Variants in RIN3 observed in about 807,000 individuals in gnomAD.
RIN3 encodes RAB5 interacting protein 3.
RIN3 carries 54 observed loss-of-function variants against 76.3 expected under a neutral mutation model. The ratio of observed to expected loss-of-function variants is 0.71; its 90% confidence interval spans 0.57 to 0.89. The LOEUF is 0.89. Among genes scored for constraint, RIN3 ranks in the 40% least tolerant of loss-of-function variants. RIN3 has a pLI of 0.00. For missense variants in RIN3, 1,256 were observed against 1,322.1 expected (o/e 0.95, Z 0.78); for synonymous variants, 576 against 564.0 (o/e 1.02, Z -0.30).
intron 4 of RIN3, among the ~76,000 whole-genome samples, chr14:92,617,860 G>A (rs1886031179): frequency 6.6e-6 from 1 of 152,202 alleles, no homozygotes; most frequent in Non-Finnish European, 1.5e-5. Context: ...AAAGTCTGTT[G>A]TGTAACTGTA....
chr14:92,673,154 C>T (rs1211051979), intron 7 of RIN3, among the ~76,000 whole-genome samples: 3 of 152,076 alleles, frequency 2.0e-5, no homozygotes, highest in South Asian at 2.1e-4. Flanking sequence ...TAGCCAGTCT[C>T]ATAACCCGGT....
At chr14:92,675,798 C>T (rs1448886754) in intron 7 of RIN3, among the ~76,000 whole-genome samples, 1 of 152,224 alleles carries the variant, frequency 6.6e-6, no homozygotes, top group African/African-American at 2.4e-5. Context: ...ATCTTTCGGA[C>T]CCACCTTCCA....
Position 92,531,862 on chromosome 14 carries a change from C to A in RIN3, c.44+17886C>A, listed in dbSNP as rs146750997. On this transcript the variant is annotated intron_variant, in intron 1 of 9. Coordinates refer to ENST00000216487, the MANE Select transcript of RIN3 (RefSeq NM_024832.5). ...TCTGCCAAAGCACAACTCTCGCCCCCCTAGTTATTTTAAACCCCTCCCCCC... is the reference window on the plus strand; with the variant it reads ...TCTGCCAAAGCACAACTCTCGCCCCACTAGTTATTTTAAACCCCTCCCCCC... Among the ~76,000 whole-genome samples the A allele has an allele frequency of 5.9e-5, 9 of 151,886 alleles. No individual in the cohort carries two copies. The South Asian group carries it at 1.5e-3, about 25-fold the overall frequency.
At chr14:92,517,435 G>T (rs1375402832) in intron 1 of RIN3, among the ~76,000 whole-genome samples, 2 of 152,178 alleles carry the variant, frequency 1.3e-5, no homozygotes, top group African/African-American at 2.4e-5. Context: ...TCACCTAGGG[G>T]ATTGGGGGCA....
chr14:92,555,466 C>T (rs757265736), intron 1 of RIN3, among the ~76,000 whole-genome samples: 1 of 152,180 alleles, frequency 6.6e-6, no homozygotes, highest in East Asian at 1.9e-4. Flanking sequence ...CCCCAAGACC[C>T]TCACATTTGC....
chr14:92,538,235 C>T (rs1897052885), intron 1 of RIN3, among the ~76,000 whole-genome samples: 2 of 152,236 alleles, frequency 1.3e-5, no homozygotes, highest in African/African-American at 4.8e-5. Context: ...TCCCAAAGTG[C>T]TGGGATTACA....
At chr14:92,521,481 CT>C (rs1300664164) in intron 1 of RIN3, among the ~76,000 whole-genome samples, 1 of 152,174 alleles carries the variant, frequency 6.6e-6, no homozygotes, top group Non-Finnish European at 1.5e-5. Context: ...TCATGAATGA[CT>C]TGGTGCCATC....
At chr14:92,581,857 A>G (rs1884552643) in intron 3 of RIN3, among the ~76,000 whole-genome samples, 1 of 152,220 alleles carries the variant, frequency 6.6e-6, no homozygotes, top group African/African-American at 2.4e-5. Context: ...AGTGGGGGTT[A>G]TAGCCAAGGA....
intron 4 of RIN3, among the ~76,000 whole-genome samples, chr14:92,630,416 C>T (rs1346907603): frequency 6.6e-6 from 1 of 152,200 alleles, no homozygotes; most frequent in Non-Finnish European, 1.5e-5. Flanking sequence ...GGCTTGAACC[C>T]AGGAGGCAGA....
chr14:92,626,126 T>G (rs934116658), intron 4 of RIN3, among the ~76,000 whole-genome samples: 2 of 152,230 alleles, frequency 1.3e-5, no homozygotes, highest in Non-Finnish European at 2.9e-5. Context: ...CATGGGGCAC[T>G]GACTCCCGAA....
At chr14:92,635,524 G>A (rs980295399) in intron 4 of RIN3, among the ~76,000 whole-genome samples, 14 of 152,078 alleles carry the variant, frequency 9.2e-5, no homozygotes, top group South Asian at 2.1e-4. Flanking sequence ...CTTGTGGCCC[G>A]GCAGACTCAC....
At chr14:92,544,947 T>C (rs1458079027) in intron 1 of RIN3, among the ~76,000 whole-genome samples, 1 of 152,156 alleles carries the variant, frequency 6.6e-6, no homozygotes, top group Non-Finnish European at 1.5e-5. Flanking sequence ...GTTTGGTGTG[T>C]GCATGTATCC....
chr14:92,651,921 C>G lies in RIN3; in HGVS notation c.872C>G (p.Pro291Arg), dbSNP rs1398100562. ...CCTCCCCCAGTGCTGCCCCTGCAGC[C>G]CTGCAGCCCAGCCCAGCCCCCTGTG... ...PPPPPVLPLQ[P>R]CSPAQPPVLP... is the part of the protein sequence containing the mutation. Residue 291 changes from proline (P) to arginine (R), a missense_variant, in exon 6 of 10, where the codon CCC becomes CGC. This residue lies in a region of RIN3 where 610 missense variants were observed against 626.4 expected (regional missense o/e 0.97). Coordinates refer to ENST00000216487, the MANE Select transcript of RIN3 (RefSeq NM_024832.5). 1 of 1,568,422 alleles carries G rather than the reference C, an allele frequency of 6.4e-7. No individual in the cohort carries two copies. The highest frequency in any genetic ancestry group is 1.7e-5 in the Admixed American group (1 of 58,268).
At chr14:92,664,474 T>C (rs1335467186) in intron 7 of RIN3, among the ~76,000 whole-genome samples, 1 of 150,140 alleles carries the variant, frequency 6.7e-6, no homozygotes, top group Non-Finnish European at 1.5e-5. Flanking sequence ...TTCACGCCAT[T>C]CTCCTGCCCC....
chr14:92,615,475 A>T lies in RIN3; in HGVS notation c.436A>T (p.Ser146Cys). The change falls in exon 4 of 10, where the codon AGT becomes TGT. Residue 146 changes from serine to cysteine, a missense_variant. Physicochemically the swap from Ser to Cys is moderately radical, Grantham distance 112. Around this residue, in one of 3 missense-constraint regions of RIN3, gnomAD observed 610 missense variants for 626.4 expected, o/e 0.97. Transcript: ENST00000216487. Reference sequence around the variant, plus strand: ...CAGATTGATTGCGTTCTACTGTGTCAGTAGGTGAGTAGACCCGGCCCTGCA... The same window carrying T: ...CAGATTGATTGCGTTCTACTGTGTCTGTAGGTGAGTAGACCCGGCCCTGCA... Reference protein sequence around the residue: ...IFRLIAFYCVSRDLLPFTLRL... With the variant: ...IFRLIAFYCVCRDLLPFTLRL... 1 of 1,613,460 alleles carries T rather than the reference A, an allele frequency of 6.2e-7. No individual in the cohort carries two copies. The highest frequency in any genetic ancestry group is 8.5e-7 in the Non-Finnish European group (1 of 1,179,412).
rs368921532 is a variant in RIN3, at chr14:92,565,588, A to G, written c.249+9633A>G. On this transcript the variant is annotated intron_variant, in intron 2 of 9. Coordinates refer to ENST00000216487, the MANE Select transcript of RIN3 (RefSeq NM_024832.5). ...AAGGGGTAGGCATTTCCTGGAGCTAAGGGTTTCCCCGCTTTTTAGACTATA... is the reference window on the plus strand; with the variant it reads ...AAGGGGTAGGCATTTCCTGGAGCTAGGGGTTTCCCCGCTTTTTAGACTATA... 4.6e-4 allele frequency among the ~76,000 whole-genome samples: 70 copies of G among 152,310 alleles called. 1 individual carries two copies. In the Middle Eastern group the frequency reaches 0.014, roughly 30 times the overall value.
chr14:92,575,420 G>A (rs888805576), intron 2 of RIN3, among the ~76,000 whole-genome samples: 1 of 152,152 alleles, frequency 6.6e-6, no homozygotes, highest in African/African-American at 2.4e-5. Flanking sequence ...TATTAGAGAA[G>A]TAAAGAAGCA....
chr14:92,579,841 T>C lies in RIN3; in HGVS notation c.367+2364T>C, dbSNP rs932668936. On this transcript the variant is annotated intron_variant, in intron 3 of 9. Transcript: ENST00000216487. ...GCTGTGCAGTATAGCATTACTGCAT[T>C]TGCATTACTGCAAAGGGACCTCTGG... Among the ~76,000 whole-genome samples the C allele has an allele frequency of 4.6e-5, 7 of 152,256 alleles. No individual in the cohort carries two copies. In the East Asian group the frequency reaches 9.6e-4, roughly 21 times the overall value.
At chr14:92,548,412 G>A (rs1461061686) in intron 1 of RIN3, among the ~76,000 whole-genome samples, 1 of 152,086 alleles carries the variant, frequency 6.6e-6, no homozygotes, top group African/African-American at 2.4e-5. Context: ...GGGTAGGGTA[G>A]GTATATTCGG....
Sources: allele counts gnomAD v4.1 joint callset (sites outside exome capture counted in the v4.1 genomes callset), GRCh38; gene constraint gnomAD v4.1.1; regional missense constraint gnomAD v4.1.1; transcripts MANE v1.5; gene names NCBI Gene and HGNC (gene_info 2026-07-23, HGNC 2026-07-21).